The following RBFOX1 variants were observed in gnomAD, a reference collection of about 807,000 sequenced individuals.
The protein encoded by RBFOX1 is RNA binding protein fox-1 homolog 1.
Under a neutral mutation model 57.7 loss-of-function variants are expected in RBFOX1, and 8 were observed. The ratio of observed to expected loss-of-function variants is 0.14; its 90% CI spans 0.08 to 0.25. The LOEUF (loss-of-function observed/expected upper bound fraction) is 0.25, where lower values mean the gene tolerates loss of function less well. Among genes scored for constraint, RBFOX1 ranks in the 10% least tolerant of loss-of-function variants. The probability of loss-of-function intolerance (pLI) is 1.00; values close to 1 mark genes in which losing one functional copy is unlikely to be tolerated. For missense variants in RBFOX1, 611 were observed against 548.5 expected (o/e 1.11, Z -1.14); for synonymous variants, 326 against 222.4 (o/e 1.47, Z -4.15).
chr16:5,736,232 C>A (rs548337533), intron 3 of RBFOX1, among the ~76,000 whole-genome samples: 1 of 152,128 alleles, frequency 6.6e-6, no homozygotes, highest in Non-Finnish European at 1.5e-5. Flanking sequence ...ATGAACCTGG[C>A]GTCCTGGAGA....
chr16:7,379,403 CA>C (rs1194568974), intron 4 of RBFOX1, among the ~76,000 whole-genome samples: 2 of 152,084 alleles, frequency 1.3e-5, no homozygotes, highest in Non-Finnish European at 2.9e-5. Flanking sequence ...GAAAATAGAA[CA>C]CTTGTGTGCA....
In RBFOX1 at chr16:6,770,174, C is replaced by G. The variant is rs148092683; in HGVS notation, c.-16+115524C>G. ...TCAAGTGTCTGTTATTGTAAATATT[C>G]TTGTATATATCCATTAGCAGTCATG... is the stretch of plus-strand genomic sequence containing the variant. On this transcript the variant is annotated intron_variant, in intron 3 of 15. Transcript: ENST00000550418. Among the ~76,000 whole-genome samples the G allele has an allele frequency of 3.8e-3, 572 of 152,234 alleles. 8 individuals are homozygous for G. The highest frequency in any genetic ancestry group is 0.013 in the African/African-American group (556 of 41,522).
rs140450939 is a variant in RBFOX1, at chr16:7,170,243, A to G, written c.27+118145A>G. 4.6e-5 allele frequency among the ~76,000 whole-genome samples: 7 copies of G among 152,236 alleles called. No individual in the cohort carries two copies. The East Asian group carries it at 1.2e-3, about 25-fold the overall frequency. On this transcript the variant is annotated intron_variant, in intron 4 of 15. Coordinates refer to ENST00000550418, the MANE Select transcript of RBFOX1 (RefSeq NM_018723.4). ...AACAATAGCAATAATAACAGTAACA[A>G]TTTATCCTCCTGCTCCTCACCACTG...
At chr16:5,811,577 A>G (rs2055433931) in intron 3 of RBFOX1, among the ~76,000 whole-genome samples, 1 of 151,858 alleles carries the variant, frequency 6.6e-6, no homozygotes, top group African/African-American at 2.4e-5. Context: ...CAGCCTCCTG[A>G]GTAGCTGGGA....
intron 4 of RBFOX1, among the ~76,000 whole-genome samples, chr16:5,926,423 G>T (rs1432783012): frequency 6.6e-6 from 1 of 152,070 alleles, no homozygotes; most frequent in Non-Finnish European, 1.5e-5. Context: ...TAGCTGACTG[G>T]GGGGTGCTTT....
intron 1 of RBFOX1, among the ~76,000 whole-genome samples, chr16:6,185,590 C>T (rs935224101): frequency 4.6e-5 from 7 of 152,162 alleles, no homozygotes; most frequent in Non-Finnish European, 8.8e-5. Flanking sequence ...AGGTGATCAG[C>T]GTGGGTTTAA....
intron 1 of RBFOX1, among the ~76,000 whole-genome samples, chr16:6,114,573 G>C (rs1301649952): frequency 6.6e-6 from 1 of 152,074 alleles, no homozygotes; most frequent in African/African-American, 2.4e-5. Context: ...TTCTTGGAGG[G>C]GGCGTAACTT....
At chr16:6,816,737 CAAA>C (rs1181907817) in intron 3 of RBFOX1, among the ~76,000 whole-genome samples, 8 of 95,650 alleles carry the variant, frequency 8.4e-5, no homozygotes, top group Non-Finnish European at 1.3e-4. Context: ...AAGACTGTCT[CAAA>C]AAAAAAAAAA....
At chr16:7,356,563 G>C (rs1359163128) in intron 4 of RBFOX1, among the ~76,000 whole-genome samples, 3 of 152,184 alleles carry the variant, frequency 2.0e-5, no homozygotes, top group African/African-American at 7.2e-5. Flanking sequence ...GCCCTGCACA[G>C]CATGATAATG....
chr16:6,643,855 C>G (rs771285317), intron 2 of RBFOX1, among the ~76,000 whole-genome samples: 1 of 152,086 alleles, frequency 6.6e-6, no homozygotes, highest in Non-Finnish European at 1.5e-5. Context: ...GCTGAGCACG[C>G]TGGGTCATGC....
chr16:7,420,960 C>CACACAT (rs1555886220), intron 4 of RBFOX1, among the ~76,000 whole-genome samples: 33 of 145,818 alleles, frequency 2.3e-4, no homozygotes, highest in African/African-American at 7.9e-4. Flanking sequence ...CACACACACA[C>CACACAT]ATATATATAT....
At chr16:5,335,371 GTTCAGA>G (rs2064869876) in intron 1 of RBFOX1, among the ~76,000 whole-genome samples, 1 of 152,180 alleles carries the variant, frequency 6.6e-6, no homozygotes. Flanking sequence ...GCTTTTAGGA[GTTCAGA>G]TTCAAAAGGG....
chr16:5,330,415 T>A (rs554022441), intron 1 of RBFOX1, among the ~76,000 whole-genome samples: 4 of 152,272 alleles, frequency 2.6e-5, no homozygotes, highest in African/African-American at 9.6e-5. Flanking sequence ...AAAGAAAATT[T>A]TTTTTGAGAC....
intron 2 of RBFOX1, among the ~76,000 whole-genome samples, chr16:6,611,761 A>T (rs544510990): frequency 1.3e-5 from 2 of 152,146 alleles, no homozygotes; most frequent in African/African-American, 4.8e-5. Context: ...AGGAGAAGCC[A>T]GAACTCATCT....
intron 4 of RBFOX1, among the ~76,000 whole-genome samples, chr16:7,281,518 A>T (rs990452105): frequency 2.6e-5 from 4 of 152,134 alleles, no homozygotes; most frequent in African/African-American, 9.7e-5. Flanking sequence ...GCACACATAC[A>T]CACACAAAGA....
At chr16:7,522,158 C>T (rs531785440) in intron 5 of RBFOX1, among the ~76,000 whole-genome samples, 1 of 152,124 alleles carries the variant, frequency 6.6e-6, no homozygotes, top group Non-Finnish European at 1.5e-5. Context: ...TGATGAGATG[C>T]CTTCAGAATA....
chr16:7,564,075 C>T (rs1256060671), intron 5 of RBFOX1, among the ~76,000 whole-genome samples: 1 of 152,086 alleles, frequency 6.6e-6, no homozygotes, highest in African/African-American at 2.4e-5. Context: ...TCCCCTACTC[C>T]AGGTCATATG....
chr16:6,755,145 G>A (rs1442486088), intron 3 of RBFOX1, among the ~76,000 whole-genome samples: 4 of 152,258 alleles, frequency 2.6e-5, no homozygotes, highest in South Asian at 2.1e-4. Flanking sequence ...TGCTATTGGG[G>A]ATAGTGCCGC....
chr16:6,496,041 A>G (rs1050870633), intron 2 of RBFOX1, among the ~76,000 whole-genome samples: 1 of 152,242 alleles, frequency 6.6e-6, no homozygotes, highest in Non-Finnish European at 1.5e-5. Context: ...TGTGGAAGAC[A>G]AGAACAAGCG....
Sources: allele counts gnomAD v4.1 joint callset (sites outside exome capture counted in the v4.1 genomes callset), GRCh38; gene constraint gnomAD v4.1.1; transcripts MANE v1.5; gene names NCBI Gene and HGNC (gene_info 2026-07-23, HGNC 2026-07-21).